The following HSPG2 variants were observed in gnomAD, a reference collection of about 807,000 sequenced individuals.
HSPG2 encodes heparan sulfate proteoglycan 2, also known as basement membrane-specific heparan sulfate proteoglycan core protein.
HSPG2 carries 278 observed loss-of-function variants against 526.6 expected under a neutral mutation model. That is an observed-to-expected ratio of 0.53 (90% CI 0.48 to 0.58). HSPG2 has a LOEUF of 0.58. HSPG2 is among the 20% of genes least tolerant of loss of function. The pLI is 0.00. For synonymous variants in HSPG2, 2,465 were observed against 2,555.4 expected, an observed-to-expected ratio of 0.96 and a Z score of 1.07; for missense variants, 5,354 against 6,099.5, an observed-to-expected ratio of 0.88 and a Z score of 4.07.
Position 21,859,840 on chromosome 1 carries a change from T to G in HSPG2, c.5177A>C (p.His1726Pro), listed in dbSNP as rs373537199. 2.5e-6 allele frequency: 4 copies of G among 1,611,414 alleles called. No homozygotes were observed. The highest frequency in any genetic ancestry group is 3.4e-6 in the Non-Finnish European group (4 of 1,179,612). ...RPVPSGTQQR[H>P]QGSELHFPSV... ...GAGCCTAGGGCCATGGGTACCTTGA[T>G]GTCGCTGCTGGGTGCCGCTGGGCAC... is the stretch of plus-strand genomic sequence containing the variant. Residue 1726 changes from histidine (H) to proline (P), a missense_variant, in exon 41 of 97, where the codon CAT (histidine) becomes CCT (proline). Physicochemically the swap from His to Pro is moderately conservative, Grantham distance 77. Coordinates refer to ENST00000374695, the MANE Select transcript of HSPG2 (RefSeq NM_005529.7). This position sits in a 1 kb window ranked among gnomAD's most constrained non-coding sequence, Gnocchi z 5.3.
intron 1 of HSPG2, among the ~76,000 whole-genome samples, chr1:21,923,389 G>A (rs1204628775): frequency 6.6e-6 from 1 of 151,270 alleles, no homozygotes; most frequent in East Asian, 2.0e-4. Flanking sequence ...CTGGGCGACA[G>A]AGCAAGACTC....
At chr1:21,924,065 G>C (rs35230410) in intron 1 of HSPG2, among the ~76,000 whole-genome samples, 1,718 of 152,264 alleles carry the variant, frequency 0.011, 20 homozygotes, top group South Asian at 0.025. Context: ...AGAGATTCTG[G>C]GGCTACACAA....
In HSPG2 at chr1:21,831,542, A is replaced by G. The variant is rs2098003995; in HGVS notation, c.11373T>C (p.Asp3791=). 1.9e-6 allele frequency: 3 copies of G among 1,614,078 alleles called. No homozygotes were observed. The highest frequency in any genetic ancestry group is 2.5e-6 in the Non-Finnish European group (3 of 1,179,968). ...GTSQGKFQGL[D]LNEELYLGGY... is the part of the protein sequence containing the mutation. ...CACCCAGGTAGAGTTCCTCGTTCAGATCCAGGCCCTGGAACTTGCCCTGGG... is the reference window on the plus strand; with the variant it reads ...CACCCAGGTAGAGTTCCTCGTTCAGGTCCAGGCCCTGGAACTTGCCCTGGG... The change falls in exon 83 of 97, where the codon GAT becomes GAC. Residue 3791 remains aspartate, a synonymous_variant. Coordinates refer to ENST00000374695, the MANE Select transcript of HSPG2 (RefSeq NM_005529.7).
Position 21,839,639 on chromosome 1 carries a change from A to G in HSPG2, c.9710-89T>C. 1 of 1,497,482 alleles carries G rather than the reference A, an allele frequency of 6.7e-7. No individual in the cohort carries two copies. Among genetic ancestry groups the G allele is most frequent in the Non-Finnish European group, 9.2e-7 (1 of 1,091,954 alleles). The allele number at this position is 1,497,482 out of a possible 1,614,324, so 92.8% of individuals were successfully genotyped here. ...CCATGGTGAGGAAGGGCCCTGGGTGATCCTGTCCCTCTATGGGGACCCCAG... is the reference window on the plus strand; with the variant it reads ...CCATGGTGAGGAAGGGCCCTGGGTGGTCCTGTCCCTCTATGGGGACCCCAG... On this transcript the variant is annotated intron_variant, in intron 72 of 96. Coordinates refer to ENST00000374695, the MANE Select transcript of HSPG2 (RefSeq NM_005529.7). This position sits in a 1 kb window ranked among gnomAD's most constrained non-coding sequence, Gnocchi z 4.5.
chr1:21,918,886 T>C (rs911554510), intron 1 of HSPG2, among the ~76,000 whole-genome samples: 2 of 152,216 alleles, frequency 1.3e-5, no homozygotes, highest in Non-Finnish European at 2.9e-5. Context: ...CAGTGATAGA[T>C]GGGAGAACCC....
intron 1 of HSPG2, among the ~76,000 whole-genome samples, chr1:21,914,251 G>C (rs948409723): frequency 6.6e-6 from 1 of 152,192 alleles, no homozygotes. Flanking sequence ...ATACAGCAGG[G>C]TGAGGGGACG....
rs1362590301 is a variant in HSPG2, at chr1:21,828,913, G to A, written c.12159C>T (p.Tyr4053=). 1 of 1,562,382 alleles carries A rather than the reference G, an allele frequency of 6.4e-7. No individual in the cohort carries two copies. Residue 4053 remains tyrosine (Y), a synonymous_variant, in exon 88 of 97, where the codon TAC becomes TAT. Transcript: ENST00000374695. The surrounding 1 kb of genome is among the most constrained non-coding windows in gnomAD (Gnocchi z 6.0). ...SQGLNLHTLL[Y]LGGVEPSVPL... is the part of the protein sequence containing the mutation. ...GCACGGAAGGCTCCACACCCCCCAG[G>A]TAGAGCAGGGTGTGCAGGTTGAGGC... is the stretch of plus-strand genomic sequence containing the variant.
chr1:21,841,456 AG>A (rs1166542435), intron 70 of HSPG2, 82 bp downstream of exon 70: 3 of 1,590,456 alleles, frequency 1.9e-6, no homozygotes, highest in Non-Finnish European at 2.6e-6. Flanking sequence ...CAATGGTGGA[AG>A]GAGGATTTAA....
At chr1:21,886,187 CTG>C (rs1641882803) in intron 9 of HSPG2, among the ~76,000 whole-genome samples, 1 of 152,270 alleles carries the variant, frequency 6.6e-6, no homozygotes, top group Non-Finnish European at 1.5e-5. Context: ...TTCATGTTCT[CTG>C]TTTCTGTGCT....
Position 21,884,935 on chromosome 1 carries a change from C to T in HSPG2, c.1356-17G>A, listed in dbSNP as rs2152759717. ...ACTGTCACCCTGGTGAGCCCCAAGA[C>T]AAGTGGTAGGATCTGGCCTAGGGCT... On this transcript the variant is annotated splice_polypyrimidine_tract_variant and intron_variant, in intron 11 of 96. Coordinates refer to ENST00000374695, the MANE Select transcript of HSPG2 (RefSeq NM_005529.7). The T allele has an allele frequency of 2.5e-6, 4 of 1,613,994 alleles. No homozygotes were observed. In the East Asian group the frequency reaches 8.9e-5, roughly 36 times the overall value.
At position 21,839,291 on chromosome 1, in the gene HSPG2, TG is replaced by T; in HGVS notation, c.9889+79del. Reference sequence around the variant, plus strand: ...CCTGGAGACCTCTGGATGGGGTTCCTGGGGTTCTGTGTGGGGTGGAGCCTAG... The same window carrying T: ...CCTGGAGACCTCTGGATGGGGTTCCTGGGTTCTGTGTGGGGTGGAGCCTAG... On this transcript the variant is annotated intron_variant, in intron 73 of 96. Transcript: ENST00000374695. This position sits in a 1 kb window ranked among gnomAD's most constrained non-coding sequence, Gnocchi z 4.5. 1 of 1,542,156 alleles carries T rather than the reference TG, an allele frequency of 6.5e-7. No individual in the cohort carries two copies. Among genetic ancestry groups the T allele is most frequent in the South Asian group, 1.1e-5 (1 of 89,180 alleles).
At position 21,833,258 on chromosome 1, in the gene HSPG2, T is replaced by G; in HGVS notation, c.11095+10A>C. Reference sequence around the variant, plus strand: ...GCCAGCCCACCCCGCAAATTAACCCTCCTGCTCACCATCGGCTGAGTCGGG... The same window carrying G: ...GCCAGCCCACCCCGCAAATTAACCCGCCTGCTCACCATCGGCTGAGTCGGG... On this transcript the variant is annotated intron_variant, in intron 80 of 96. Coordinates refer to ENST00000374695, the MANE Select transcript of HSPG2 (RefSeq NM_005529.7). 6.2e-7 allele frequency: 1 copy of G among 1,611,276 alleles called. No homozygotes were observed. Among genetic ancestry groups the G allele is most frequent in the African/African-American group, 1.3e-5 (1 of 74,954 alleles).
chr1:21,885,165 G>T lies in HSPG2; in HGVS notation c.1211-8C>A. ...TCACCACCTGGGGGGGCACTGAGGA[G>T]ACCAGGGCAGGAGTGAGGGGTCGGG... On this transcript the variant is annotated splice_region_variant and splice_polypyrimidine_tract_variant and intron_variant, in intron 10 of 96. Transcript: ENST00000374695. 1 of 1,606,470 alleles carries T rather than the reference G, an allele frequency of 6.2e-7. No homozygotes were observed. Among genetic ancestry groups the T allele is most frequent in the Non-Finnish European group, 8.5e-7 (1 of 1,175,918 alleles).
At chr1:21,834,543 G>T in intron 77 of HSPG2, 136 bp downstream of exon 77, 1 of 1,058,358 alleles carries the variant, frequency 9.4e-7, no homozygotes, top group Non-Finnish European at 1.4e-6. Context: ...TATGAAACCT[G>T]CCCCTTAAAC....
chr1:21,933,920 C>T (rs1420032644), intron 1 of HSPG2, among the ~76,000 whole-genome samples: 1 of 152,210 alleles, frequency 6.6e-6, no homozygotes, highest in Non-Finnish European at 1.5e-5. Flanking sequence ...GGCAGCCTCC[C>T]CAGTGAGGAA....
intron 13 of HSPG2, among the ~76,000 whole-genome samples, chr1:21,882,673 G>A (rs1295135521): frequency 1.3e-5 from 2 of 152,114 alleles, no homozygotes; most frequent in African/African-American, 4.8e-5. Flanking sequence ...GCTCAGGAAT[G>A]AATCATTGTA....
intron 1 of HSPG2, among the ~76,000 whole-genome samples, chr1:21,913,033 T>G (rs1277483644): frequency 1.3e-5 from 2 of 151,798 alleles, no homozygotes; most frequent in African/African-American, 4.8e-5. Flanking sequence ...ATGGTGCTTT[T>G]GGGCAGCCGT....
rs150055353 is a variant in HSPG2, at chr1:21,876,313, G to A, written c.2919C>T (p.Pro973=). 233 of 1,613,892 alleles carry A rather than the reference G, an allele frequency of 1.4e-4. No homozygotes were observed. Among genetic ancestry groups the A allele is most frequent in the Non-Finnish European group, 1.7e-4 (199 of 1,180,000 alleles). The stretch of plus-strand genomic sequence containing the variant: ...GGAAGGAGGAGAATCCCAGTTCCCC[G>A]GGCGTGGGGGAGAAGATGCCCTCGT... The part of the protein sequence containing the change: ...TTNEGIFSPT[P]GELGFSSFHR... Residue 973 remains proline (P), a synonymous_variant, in exon 23 of 97, where the codon CCC becomes CCT. Transcript: ENST00000374695.
At chr1:21,838,135 C>CAAA (rs35291473) in intron 74 of HSPG2, among the ~76,000 whole-genome samples, 65 of 74,936 alleles carry the variant, frequency 8.7e-4, no homozygotes, top group East Asian at 1.4e-3. Context: ...GATTCTGTCT[C>CAAA]AAAAAAAAAA....
Sources: gnomAD v4.1 joint callset for allele counts (sites outside exome capture counted in the v4.1 genomes callset) on GRCh38, gnomAD v4.1.1 for gene constraint, Gnocchi (gnomAD v3.1) non-coding constraint, MANE v1.5 for transcripts, NCBI Gene and HGNC (gene_info 2026-07-23, HGNC 2026-07-21) for gene names.